MLKL: variants seen among roughly 807,000 people sequenced by gnomAD.
MLKL encodes mixed lineage kinase domain like pseudokinase, also known as mixed lineage kinase domain-like protein.
A neutral mutation model predicts 56.5 loss-of-function variants in MLKL; 55 were observed. That is an observed-to-expected ratio of 0.97 (90% confidence interval 0.78 to 1.22). The LOEUF (loss-of-function observed/expected upper bound fraction) is 1.22, where lower values mean the gene tolerates loss of function less well. Among genes scored for constraint, MLKL ranks in the 50% most tolerant of loss-of-function variants. MLKL has a pLI of 0.00. For missense variants in MLKL, 694 were observed against 573.9 expected (o/e 1.21, Z -2.14); for synonymous variants, 251 against 208.3 (o/e 1.20, Z -1.76).
intron 4 of MLKL, among the ~76,000 whole-genome samples, 198 bp downstream of exon 4, chr16:74,691,079 G>A (rs1341386618): frequency 6.6e-6 from 1 of 151,712 alleles, no homozygotes; most frequent in Non-Finnish European, 1.5e-5. Flanking sequence ...TATATATGTG[G>A]ACAAAGGAGA....
At chr16:74,692,263 G>T in intron 3 of MLKL, 79 bp downstream of exon 3, 2 of 1,274,156 alleles carry the variant, frequency 1.6e-6, no homozygotes, top group Non-Finnish European at 1.1e-6. Flanking sequence ...TGCAGGGGTA[G>T]CGGGAGGCTG....
In MLKL at chr16:74,688,749, A is replaced by G. The variant is rs183435431; in HGVS notation, c.722+2528T>C. 5.9e-4 allele frequency among the ~76,000 whole-genome samples: 90 copies of G among 152,284 alleles called. No individual in the cohort carries two copies. The East Asian group carries it at 0.015, about 26-fold the overall frequency. On this transcript the variant is annotated intron_variant, in intron 4 of 10. Coordinates refer to ENST00000308807, the MANE Select transcript of MLKL (RefSeq NM_152649.4). ...AACAAAAAACCCCCAAAACCTGTACATGAATGTACACAGAAACATTATTCA... is the reference window on the plus strand; with the variant it reads ...AACAAAAAACCCCCAAAACCTGTACGTGAATGTACACAGAAACATTATTCA...
intron 5 of MLKL, among the ~76,000 whole-genome samples, chr16:74,684,984 C>T (rs1960239689): frequency 1.3e-5 from 2 of 152,130 alleles, no homozygotes; most frequent in South Asian, 4.1e-4. Context: ...CCCACCTCAG[C>T]CTCCCGAGTA....
At chr16:74,687,688 T>A (rs1385544934) in intron 4 of MLKL, among the ~76,000 whole-genome samples, 1 of 152,184 alleles carries the variant, frequency 6.6e-6, no homozygotes, top group Non-Finnish European at 1.5e-5. Context: ...ACAGTTTTTT[T>A]TTTTGGAACT....
At chr16:74,683,289 T>A (rs1226620916) in intron 5 of MLKL, among the ~76,000 whole-genome samples, 1 of 101,652 alleles carries the variant, frequency 9.8e-6, no homozygotes, top group South Asian at 4.0e-4. Context: ...TGACACTACA[T>A]CTCAAAAAAA....
chr16:74,699,079 C>G (rs557632510), intron 1 of MLKL, among the ~76,000 whole-genome samples: 4 of 152,164 alleles, frequency 2.6e-5, no homozygotes, highest in Admixed American at 2.0e-4. Context: ...CACCACTGTG[C>G]TCCAACCTGG....
rs187496991 is a variant in MLKL, at chr16:74,699,580, G to C, written c.-3+873C>G. ...TGATGTAGAAAAGCTTGTGTTTGTAGATAGATGGCTACCGAGATGTTCACT... is the reference window on the plus strand; with the variant it reads ...TGATGTAGAAAAGCTTGTGTTTGTACATAGATGGCTACCGAGATGTTCACT... On this transcript the variant is annotated intron_variant, in intron 1 of 10. Coordinates refer to ENST00000308807, the MANE Select transcript of MLKL (RefSeq NM_152649.4). 5.9e-5 allele frequency among the ~76,000 whole-genome samples: 9 copies of C among 152,226 alleles called. No individual in the cohort carries two copies. In the East Asian group the frequency reaches 1.7e-3, roughly 29 times the overall value.
In MLKL at chr16:74,672,471, G is replaced by C. The variant is rs1231623686; in HGVS notation, c.*33C>G. ...CAGTTTGTGCCTCTCCCAGCTTCTT[G>C]TCCAGAGACTCCTTGGTTTAGATTT... On this transcript the variant is annotated 3_prime_UTR_variant, in exon 11 of 11. Coordinates refer to ENST00000308807, the MANE Select transcript of MLKL (RefSeq NM_152649.4). 38 of 1,603,604 alleles carry C rather than the reference G, an allele frequency of 2.4e-5. No homozygotes were observed. Among genetic ancestry groups the C allele is most frequent in the Non-Finnish European group, 3.2e-5 (38 of 1,170,888 alleles).
intron 7 of MLKL, 22 bp downstream of exon 7, chr16:74,678,875 AGC>A (rs774816421): frequency 6.2e-7 from 1 of 1,604,708 alleles, no homozygotes; most frequent in Non-Finnish European, 8.5e-7. Context: ...TTTGACCCAA[AGC>A]GCCCCCGCAA....
chr16:74,691,398 G>C lies in MLKL; in HGVS notation c.601C>G (p.Leu201Val), dbSNP rs371470408. The C allele has an allele frequency of 4.3e-6, 7 of 1,613,998 alleles. No homozygotes were observed. The African/African-American group carries it at 5.3e-5, about 12-fold the overall frequency. The part of the protein sequence containing the change: ...EQIKEIKKEQ[L>V]SGSPWILLRE... ...AGCAGAATCCACGGGGATCCTGAAA[G>C]CTGCTCCTTCTTGATCTCCTTGATT... The change falls in exon 4 of 11, where the codon CTT becomes GTT. Residue 201 changes from leucine to valine, a missense_variant. Transcript: ENST00000308807.
At chr16:74,687,743 A>C (rs1236718864) in intron 4 of MLKL, among the ~76,000 whole-genome samples, 2 of 152,078 alleles carry the variant, frequency 1.3e-5, no homozygotes, top group Non-Finnish European at 2.9e-5. Flanking sequence ...ATTTCTGCTC[A>C]CTGCAATACC....
At chr16:74,680,041 C>T (rs945782845) in intron 6 of MLKL, among the ~76,000 whole-genome samples, 1 of 152,176 alleles carries the variant, frequency 6.6e-6, no homozygotes, top group Non-Finnish European at 1.5e-5. Flanking sequence ...TTTATACTTA[C>T]ACCAGTCAGT....
Position 74,695,434 on chromosome 16 carries a change from G to A in MLKL, c.324C>T (p.Val108=). 1 of 1,614,238 alleles carries A rather than the reference G, an allele frequency of 6.2e-7. No individual in the cohort carries two copies. The highest frequency in any genetic ancestry group is 8.5e-7 in the Non-Finnish European group (1 of 1,180,048). The part of the protein sequence containing the change: ...FKDVNRKLSD[V]WKELSLLLQV... ...GAAGTAACAGCGAGAGCTCCTTCCA[G>A]ACATCACTCAGCTTCCTGTTCACGT... is the stretch of plus-strand genomic sequence containing the variant. The change falls in exon 2 of 11, where the codon GTC becomes GTT. Residue 108 remains valine (V), a synonymous_variant. Transcript: ENST00000308807.
intron 5 of MLKL, among the ~76,000 whole-genome samples, chr16:74,684,769 C>T (rs1218383913): frequency 6.6e-6 from 1 of 152,178 alleles, no homozygotes; most frequent in African/African-American, 2.4e-5. Flanking sequence ...GCTGCTGAGC[C>T]ACAGCGCCTG....
At chr16:74,684,918 G>T (rs912967300) in intron 5 of MLKL, among the ~76,000 whole-genome samples, 1 of 151,854 alleles carries the variant, frequency 6.6e-6, no homozygotes, top group Non-Finnish European at 1.5e-5. Flanking sequence ...AGGCTGGAAT[G>T]CAATGGTGCA....
At chr16:74,694,520 T>C (rs1238015049) in intron 2 of MLKL, among the ~76,000 whole-genome samples, 1 of 151,874 alleles carries the variant, frequency 6.6e-6, no homozygotes, top group Non-Finnish European at 1.5e-5. Context: ...ATCCCAGCAC[T>C]TTGGGAGGCT....
chr16:74,690,451 T>C (rs1003115858), intron 4 of MLKL, among the ~76,000 whole-genome samples: 3 of 152,066 alleles, frequency 2.0e-5, no homozygotes, highest in African/African-American at 7.2e-5. Flanking sequence ...GGCATCTTTT[T>C]GGTGGGGAAA....
Position 74,675,665 on chromosome 16 carries a change from G to C in MLKL, c.1138C>G (p.Gln380Glu), listed in dbSNP as rs1959550436. 1 of 1,613,936 alleles carries C rather than the reference G, an allele frequency of 6.2e-7. No individual in the cohort carries two copies. Among genetic ancestry groups the C allele is most frequent in the Non-Finnish European group, 8.5e-7 (1 of 1,179,986 alleles). ...TGATAAAATACATCTTCCAGTTCCT[G>C]AGGTGAGAGATATGCTGTAGATTTG... ...RVKSTAYLSP[Q>E]ELEDVFYQYD... Residue 380 changes from glutamine (Q) to glutamate (E), a missense_variant, in exon 8 of 11, where the codon CAG (glutamine) becomes GAG (glutamate). Gln to Glu is a conservative substitution (Grantham distance 29). Coordinates refer to ENST00000308807, the MANE Select transcript of MLKL (RefSeq NM_152649.4).
intron 2 of MLKL, among the ~76,000 whole-genome samples, chr16:74,694,722 G>A (rs1287331999): frequency 1.3e-5 from 2 of 152,080 alleles, no homozygotes; most frequent in African/African-American, 4.8e-5. Context: ...TGATTGTGCC[G>A]CCGTCCTCTA....
Sources: allele counts gnomAD v4.1 joint callset (sites outside exome capture counted in the v4.1 genomes callset), GRCh38; gene constraint gnomAD v4.1.1; transcripts MANE v1.5; gene names NCBI Gene and HGNC (gene_info 2026-07-23, HGNC 2026-07-21).